Variants in PPFIBP2 observed in about 807,000 individuals in gnomAD.
PPFIBP2 encodes the protein PPFIB scaffold protein 2.
Under a neutral mutation model 118.3 loss-of-function variants are expected in PPFIBP2, and 118 were observed. That is an observed-to-expected ratio of 1.00 (90% CI 0.86 to 1.16). The LOEUF (loss-of-function observed/expected upper bound fraction) is 1.16. Ranked by LOEUF, PPFIBP2 falls within the 50% of genes most tolerant of loss-of-function variation. PPFIBP2 has a pLI of 0.00. For synonymous variants in PPFIBP2, 414 were observed against 397.4 expected (o/e 1.04, Z -0.50); for missense variants, 1,195 against 1,073.1 (o/e 1.11, Z -1.59).
chr11:7,530,584 A>G (rs896959878), intron 1 of PPFIBP2, among the ~76,000 whole-genome samples: 2 of 152,190 alleles, frequency 1.3e-5, no homozygotes, highest in Admixed American at 1.3e-4. Flanking sequence ...CCAAGAAGCA[A>G]TCCTGCTCCA....
At chr11:7,655,332 C>G, downstream of PPFIBP2, 1 of 892,574 alleles carries the variant, frequency 1.1e-6, no homozygotes, top group Admixed American at 2.4e-5. Flanking sequence ...AGAAGCATGC[C>G]CTGGAGAAGC....
Position 7,538,751 on chromosome 11 carries a change from C to T in PPFIBP2, c.-36-10689C>T, listed in dbSNP as rs546064842. ...TACCCGGTGCATAAAACTCACTAAC[C>T]TGGTATAGCGGGAAAAAGACGCTAA... On this transcript the variant is annotated intron_variant, in intron 1 of 23. Transcript: ENST00000299492. 2.6e-5 allele frequency among the ~76,000 whole-genome samples: 4 copies of T among 152,334 alleles called. No individual in the cohort carries two copies. In the South Asian group the frequency reaches 8.3e-4, roughly 32 times the overall value.
intron 2 of PPFIBP2, among the ~76,000 whole-genome samples, chr11:7,563,379 A>G (rs996605718): frequency 3.3e-5 from 5 of 152,198 alleles, no homozygotes; most frequent in Non-Finnish European, 7.3e-5. Flanking sequence ...GGAGCCAGAA[A>G]GTGCTGAGCA....
chr11:7,592,527 C>A (rs1590422132), intron 3 of PPFIBP2, among the ~76,000 whole-genome samples: 1 of 151,698 alleles, frequency 6.6e-6, no homozygotes, highest in East Asian at 1.9e-4. Flanking sequence ...GATCTGCCAG[C>A]CTGGCTACCA....
chr11:7,648,352 C>T (rs144009869), intron 17 of PPFIBP2, 35 bp from the exon 18 acceptor site: 1 of 1,581,860 alleles, frequency 6.3e-7, no homozygotes, highest in South Asian at 1.1e-5. Context: ...CAGGCTCTCC[C>T]ACTAACAGGA....
the PPFIBP2 span, among the ~76,000 whole-genome samples, chr11:7,663,369 C>G: frequency 2.0e-5 from 3 of 151,556 alleles, no homozygotes; most frequent in Admixed American, 2.0e-4. Context: ...TTCTAACAGA[C>G]AGGACCCTCA....
the PPFIBP2 span, chr11:7,665,262 G>T: frequency 8.6e-6 from 8 of 931,666 alleles, no homozygotes; most frequent in Non-Finnish European, 1.3e-5. Flanking sequence ...GTGTGTGCGC[G>T]AAGGTACATG....
intron 5 of PPFIBP2, chr11:7,597,918 T>G: frequency 7.1e-6 from 3 of 420,440 alleles, no homozygotes; most frequent in East Asian, 9.0e-5. Flanking sequence ...GTTAGACAGA[T>G]TCCCAGACAG....
chr11:7,643,806 A>G (rs995323756), intron 17 of PPFIBP2, among the ~76,000 whole-genome samples: 1 of 152,174 alleles, frequency 6.6e-6, no homozygotes, highest in Non-Finnish European at 1.5e-5. Flanking sequence ...TTTTTGTTCA[A>G]TAAAACAATT....
chr11:7,558,712 C>T (rs9988911), intron 2 of PPFIBP2, among the ~76,000 whole-genome samples: 77,821 of 151,022 alleles, frequency 0.52, 21,666 homozygotes, highest in African/African-American at 0.74. Context: ...GCTGAGATCA[C>T]GCCACTGCAC....
chr11:7,521,695 G>A (rs1769699279), intron 1 of PPFIBP2, among the ~76,000 whole-genome samples: 1 of 152,326 alleles, frequency 6.6e-6, no homozygotes, highest in South Asian at 2.1e-4. Context: ...ATCAGCTCTT[G>A]TGCGTGGCCC....
At chr11:7,640,219 C>T (rs1379217452) in intron 15 of PPFIBP2, among the ~76,000 whole-genome samples, 2 of 152,078 alleles carry the variant, frequency 1.3e-5, no homozygotes, top group Non-Finnish European at 2.9e-5. Context: ...ACACCCCCTT[C>T]TACCCTTCCT....
At chr11:7,592,980 A>T in intron 3 of PPFIBP2, 152 bp from the exon 4 acceptor site, 1 of 1,234,136 alleles carries the variant, frequency 8.1e-7, no homozygotes, top group Non-Finnish European at 1.1e-6. Flanking sequence ...GTAGTTTTGA[A>T]ATCTTGTGGT....
intron 20 of PPFIBP2, 88 bp from the exon 21 acceptor site, chr11:7,649,444 C>G (rs961029079): frequency 1.3e-6 from 2 of 1,544,258 alleles, no homozygotes; most frequent in Admixed American, 1.7e-5. Context: ...ATGTGGTTGA[C>G]TTGTCTATGC....
chr11:7,625,534 AT>A (rs1849880455), intron 7 of PPFIBP2, among the ~76,000 whole-genome samples: 1 of 152,238 alleles, frequency 6.6e-6, no homozygotes, highest in African/African-American at 2.4e-5. Context: ...AGGTAGGAAG[AT>A]GCAGGGGAAG....
At chr11:7,642,192 C>CGA in intron 16 of PPFIBP2, 106 bp from the exon 17 acceptor site, 1 of 1,366,394 alleles carries the variant, frequency 7.3e-7, no homozygotes, top group Non-Finnish European at 1.0e-6. Flanking sequence ...GCAGTGCTGC[C>CGA]GAGAGTCCCT....
intron 2 of PPFIBP2, among the ~76,000 whole-genome samples, chr11:7,557,273 T>C (rs191510439): frequency 6.6e-6 from 1 of 152,230 alleles, no homozygotes; most frequent in East Asian, 1.9e-4. Flanking sequence ...TTTTCCTATT[T>C]TTTAAAATCA....
At chr11:7,593,289 G>A in intron 4 of PPFIBP2, 65 bp downstream of exon 4, 1 of 1,567,776 alleles carries the variant, frequency 6.4e-7, no homozygotes, top group South Asian at 1.2e-5. Flanking sequence ...TCCCCTAAGT[G>A]GAAGGGAAGC....
downstream of PPFIBP2, among the ~76,000 whole-genome samples, chr11:7,661,476 C>T (rs1021898432): frequency 2.5e-4 from 37 of 150,384 alleles, no homozygotes; most frequent in African/African-American, 8.5e-4. Flanking sequence ...GATTCTTAAT[C>T]CTGAGTTCTA....
Sources: allele counts gnomAD v4.1 joint callset (sites outside exome capture counted in the v4.1 genomes callset), GRCh38; gene constraint gnomAD v4.1.1; transcripts MANE v1.5; gene names NCBI Gene and HGNC (gene_info 2026-07-23, HGNC 2026-07-21).